Variants in PGAM5 observed in about 807,000 individuals in gnomAD.
PGAM5 encodes PGAM family member 5, mitochondrial serine/threonine protein phosphatase.
PGAM5 carries 25 observed loss-of-function variants against 30.6 expected under a neutral mutation model. That is an observed-to-expected ratio of 0.82 (90% CI 0.60 to 1.14). The LOEUF is 1.14. PGAM5 is among the 50% of genes most tolerant of loss of function. The pLI, the probability that PGAM5 is intolerant of heterozygous loss-of-function variation, is 0.00. For missense variants in PGAM5, 384 were observed against 408.5 expected, an observed-to-expected ratio of 0.94 and a Z score of 0.52; for synonymous variants, 201 against 179.1, an observed-to-expected ratio of 1.12 and a Z score of -0.98.
intron 5 of PGAM5, among the ~76,000 whole-genome samples, chr12:132,720,098 T>TGTCGATGCCAGTCATCGATTCAC (rs2043627643): frequency 6.7e-6 from 1 of 148,804 alleles, no homozygotes; most frequent in Non-Finnish European, 1.5e-5. Context: ...GCTCCATTCA[T>TGTCGATGCCAGTCATCGATTCAC]GTCGATCCCA....
Position 132,720,896 on chromosome 12 carries a change from A to G in PGAM5, c.*68A>G, listed in dbSNP as rs1268032636. 1.4e-6 allele frequency: 2 copies of G among 1,470,246 alleles called. No homozygotes were observed. The highest frequency in any genetic ancestry group is 2.6e-5 in the South Asian group (2 of 75,972). 91.1% of individuals were successfully genotyped at this position (1,470,246 alleles called of 1,614,324 possible). A position where few individuals can be genotyped will look rare whatever the true frequency, so the allele number is the denominator to read the frequency against. On this transcript the variant is annotated 3_prime_UTR_variant, in exon 6 of 6. Transcript: ENST00000498926. ...GCACACACTTAACGTTTTGTTCCCA[A>G]GGAGACCGGCGGAAAGTAGAAACCT...
At chr12:132,719,076 G>A (rs2043617921) in intron 5 of PGAM5, 1 of 1,407,190 alleles carries the variant, frequency 7.1e-7, no homozygotes, top group African/African-American at 1.4e-5. Flanking sequence ...ACGTTAGAGG[G>A]CCCCTTGGGG....
At chr12:132,717,297 TGCGGGCGGAGGAGGGG>T in intron 2 of PGAM5, 126 bp from the exon 3 acceptor site, 1 of 995,208 alleles carries the variant, frequency 1.0e-6, no homozygotes, top group East Asian at 2.8e-5. Context: ...GGGTCGTGTT[TGCGGGCGGAGGAGGGG>T]GTGTTTGCGG....
In PGAM5 at chr12:132,720,447, A is replaced by G. The variant is rs149587008; in HGVS notation, c.720-231A>G. Among the ~76,000 whole-genome samples the G allele has an allele frequency of 2.3e-3, 351 of 152,106 alleles. 1 individual carries two copies. The highest frequency in any genetic ancestry group is 8.1e-3 in the African/African-American group (335 of 41,486). On this transcript the variant is annotated intron_variant, in intron 5 of 5. Coordinates refer to ENST00000498926, the MANE Select transcript of PGAM5 (RefSeq NM_001170543.2). ...CTCAGCCTCCCAAGTAGCTGGGACT[A>G]CAGGTGCCTGCTATCACGCCCAGCT...
chr12:132,713,242 G>A (rs1303981180), intron 1 of PGAM5, among the ~76,000 whole-genome samples: 1 of 152,216 alleles, frequency 6.6e-6, no homozygotes, highest in East Asian at 1.9e-4. Context: ...GTATTTGCTT[G>A]TCATGTCTGG....
At chr12:132,711,663 G>A (rs1249697948) in intron 1 of PGAM5, 1 of 151,920 alleles carries the variant, frequency 6.6e-6, no homozygotes, top group Non-Finnish European at 1.5e-5. Context: ...GCGCGCGCCT[G>A]TGGTCCCAGC....
intron 5 of PGAM5, chr12:132,718,890 C>T (rs550310012): frequency 1.8e-5 from 29 of 1,605,036 alleles, no homozygotes; most frequent in African/African-American, 1.5e-4. Flanking sequence ...CCCTCTGGGT[C>T]GAGGCCACAG....
intron 4 of PGAM5, 93 bp from the exon 5 acceptor site, chr12:132,717,894 C>T (rs898965744): frequency 1.3e-6 from 2 of 1,599,036 alleles, no homozygotes; most frequent in African/African-American, 2.7e-5. Flanking sequence ...CCGGCCGTCC[C>T]ACGGGCTTCC....
rs2043596569 is a variant in PGAM5, at chr12:132,717,759, G to A, written c.546G>A (p.Glu182=). The change falls in exon 4 of 6, where the codon GAG becomes GAA. Residue 182 remains glutamate (E), a synonymous_variant. Transcript: ENST00000498926. ...TGCTGCGGGAAGGCGCCCCCATCGAGCCAGACCCGCCCGTGTCTCATTGGA... is the reference window on the plus strand; with the variant it reads ...TGCTGCGGGAAGGCGCCCCCATCGAACCAGACCCGCCCGTGTCTCATTGGA... ...TDLLREGAPI[E]PDPPVSHWKP... 5 of 1,586,630 alleles carry A rather than the reference G, an allele frequency of 3.2e-6. No individual in the cohort carries two copies. Among genetic ancestry groups the A allele is most frequent in the Non-Finnish European group, 4.3e-6 (5 of 1,166,768 alleles).
chr12:132,711,177 G>A, intron 1 of PGAM5, 110 bp downstream of exon 1: 2 of 871,160 alleles, frequency 2.3e-6, no homozygotes, highest in East Asian at 4.5e-5. Context: ...TCGGGATCTG[G>A]GGTCGCCGTC....
At chr12:132,717,853 G>T in intron 4 of PGAM5, 55 bp downstream of exon 4, 2 of 1,583,974 alleles carry the variant, frequency 1.3e-6, no homozygotes, top group Non-Finnish European at 1.7e-6. Context: ...TGGGCAAAGC[G>T]GCCCTGCTGG....
intron 3 of PGAM5, 38 bp downstream of exon 3, chr12:132,717,602 T>A (rs1481139152): frequency 6.2e-7 from 1 of 1,605,802 alleles, no homozygotes; most frequent in Non-Finnish European, 8.5e-7. Flanking sequence ...CTTGCAGCAG[T>A]GGGCGGCTCG....
At chr12:132,717,889 C>T (rs1054973996) in intron 4 of PGAM5, 91 bp downstream of exon 4, 7 of 1,596,990 alleles carry the variant, frequency 4.4e-6, no homozygotes, top group African/African-American at 1.3e-5. Flanking sequence ...CGTGCCCGGC[C>T]GTCCCACGGG....
intron 2 of PGAM5, among the ~76,000 whole-genome samples, chr12:132,715,712 C>CT: frequency 6.6e-6 from 1 of 152,316 alleles, no homozygotes; most frequent in Middle Eastern, 3.4e-3. Context: ...AACCTCGTCA[C>CT]TACTAAAAGT....
chr12:132,711,558 C>T (rs1490040395), intron 1 of PGAM5: 1 of 152,008 alleles, frequency 6.6e-6, no homozygotes. Flanking sequence ...AGGCTGAGGC[C>T]GGAGGATCGC....
chr12:132,715,053 G>C lies in PGAM5; in HGVS notation c.370+17G>C. ...CCCCGCTGGGTATGTGGTGGGTTCA[G>C]ATCCTCTGTGGACCCTCGTGGTTAT... On this transcript the variant is annotated intron_variant, in intron 2 of 5. Transcript: ENST00000498926. The C allele has an allele frequency of 6.3e-7, 1 of 1,593,158 alleles. No homozygotes were observed. The highest frequency in any genetic ancestry group is 1.3e-5 in the African/African-American group (1 of 74,362).
chr12:132,712,054 T>C (rs894401574), intron 1 of PGAM5, among the ~76,000 whole-genome samples: 2 of 152,230 alleles, frequency 1.3e-5, no homozygotes, highest in South Asian at 4.1e-4. Flanking sequence ...TGTGGTTGCG[T>C]TAGGTACTTT....
intron 5 of PGAM5, chr12:132,719,241 C>T (rs781530696): frequency 1.1e-5 from 12 of 1,126,220 alleles, no homozygotes; most frequent in Middle Eastern, 4.1e-4. Context: ...TTGAGTGTGA[C>T]GAGTCCTGTG....
chr12:132,718,176 C>T (rs927755033), intron 5 of PGAM5, 56 bp downstream of exon 5: 89 of 1,604,506 alleles, frequency 5.5e-5, no homozygotes, highest in Non-Finnish European at 7.1e-5. Flanking sequence ...TAGAGAAAAG[C>T]ATGAGGAAGA....
Sources: gnomAD v4.1 joint callset for allele counts (sites outside exome capture counted in the v4.1 genomes callset) on GRCh38, gnomAD v4.1.1 for gene constraint, MANE v1.5 for transcripts, NCBI Gene and HGNC (gene_info 2026-07-23, HGNC 2026-07-21) for gene names.